ADAMTS19: variants seen among roughly 807,000 people sequenced by gnomAD.
The protein encoded by ADAMTS19 is ADAM metallopeptidase with thrombospondin type 1 motif 19.
In ADAMTS19, 93 loss-of-function variants were observed where a neutral mutation model predicts 153.3. The ratio of observed to expected loss-of-function variants is 0.61; its 90% CI spans 0.51 to 0.72. ADAMTS19 has a LOEUF of 0.72. ADAMTS19 is among the 30% of genes least tolerant of loss of function. The probability of loss-of-function intolerance (pLI) is 0.00; values close to 1 mark genes in which losing one functional copy is unlikely to be tolerated. For synonymous variants in ADAMTS19, 600 were observed against 556.6 expected, an observed-to-expected ratio of 1.08 and a Z score of -1.10; for missense variants, 1,482 against 1,552.1, an observed-to-expected ratio of 0.95 and a Z score of 0.76.
chr5:129,622,409 G>T (rs1751821277), intron 10 of ADAMTS19, 61 bp downstream of exon 10: 1 of 1,575,182 alleles, frequency 6.3e-7, no homozygotes, highest in African/African-American at 1.4e-5. Flanking sequence ...TGATTGGTAG[G>T]AGAAGGTAAC....
chr5:129,679,990 T>G, intron 17 of ADAMTS19, 69 bp downstream of exon 17: 23 of 1,382,806 alleles, frequency 1.7e-5, no homozygotes, highest in Non-Finnish European at 2.1e-5. Flanking sequence ...CCAGTGCACT[T>G]CCTCTAATAT....
intron 21 of ADAMTS19, among the ~76,000 whole-genome samples, chr5:129,711,262 T>C (rs552968121): frequency 9.8e-5 from 15 of 152,294 alleles, no homozygotes; most frequent in African/African-American, 3.4e-4. Flanking sequence ...CCACTGAAAC[T>C]AGAGAATAAA....
chr5:129,536,184 G>C (rs1046942842), intron 6 of ADAMTS19, among the ~76,000 whole-genome samples: 2 of 152,028 alleles, frequency 1.3e-5, no homozygotes, highest in African/African-American at 4.8e-5. Context: ...CTAATATCCA[G>C]AATCTACAAT....
At chr5:129,607,289 T>C (rs1191270282) in intron 8 of ADAMTS19, among the ~76,000 whole-genome samples, 8 of 152,244 alleles carry the variant, frequency 5.3e-5, no homozygotes, top group Non-Finnish European at 8.8e-5. Flanking sequence ...TTCTGAGATA[T>C]ACTGATTTAT....
Position 129,705,400 on chromosome 5 carries a change from C to CA in ADAMTS19, c.3312+1011dup, listed in dbSNP as rs1489824915. Among the ~76,000 whole-genome samples, 11 of 152,260 alleles carry CA rather than the reference C, an allele frequency of 7.2e-5. No homozygotes were observed. The South Asian group carries it at 2.3e-3, about 32-fold the overall frequency. The stretch of plus-strand genomic sequence containing the variant: ...CCACTTTCACAGTGTTGCCCCAAAG[C>CA]AATCCATGGCATTTGAAATATAAGC... On this transcript the variant is annotated intron_variant, in intron 21 of 22. Transcript: ENST00000274487.
chr5:129,551,559 AT>A (rs77602373), intron 6 of ADAMTS19, among the ~76,000 whole-genome samples: 37,337 of 151,334 alleles, frequency 0.25, 4,949 homozygotes, highest in African/African-American at 0.33. Flanking sequence ...CCAATACCAG[AT>A]TTTTTTGTAA....
chr5:129,547,403 G>A (rs2126811708), intron 6 of ADAMTS19, among the ~76,000 whole-genome samples: 1 of 150,788 alleles, frequency 6.6e-6, no homozygotes, highest in South Asian at 2.1e-4. Flanking sequence ...GTAAGTTAAA[G>A]TTTTGTGTTG....
At chr5:129,522,332 C>CATATAGATATATATAT (rs1751850416) in intron 3 of ADAMTS19, among the ~76,000 whole-genome samples, 1 of 58,626 alleles carries the variant, frequency 1.7e-5, no homozygotes, top group Non-Finnish European at 2.8e-5. Flanking sequence ...CACACACACA[C>CATATAGATATATATAT]ATATATATAT....
At chr5:129,674,531 T>C (rs1380677773) in intron 16 of ADAMTS19, among the ~76,000 whole-genome samples, 2 of 152,192 alleles carry the variant, frequency 1.3e-5, no homozygotes, top group African/African-American at 2.4e-5. Flanking sequence ...CAGTGTCTTC[T>C]TTACTTGCTT....
Position 129,737,357 on chromosome 5 carries a change from A to G in ADAMTS19, c.*139A>G. ...TAATTTATTTTTTTGCCTGCCAAAC[A>G]TCCAATGTGGTGCTTGTTTTGGTTA... On this transcript the variant is annotated 3_prime_UTR_variant, in exon 23 of 23. Coordinates refer to ENST00000274487, the MANE Select transcript of ADAMTS19 (RefSeq NM_133638.6). 1.1e-6 allele frequency: 1 copy of G among 911,392 alleles called. No individual in the cohort carries two copies. Among genetic ancestry groups the G allele is most frequent in the East Asian group, 3.2e-5 (1 of 31,194 alleles). The allele number at this position is 911,392 out of a possible 1,614,324, so 56.5% of individuals were successfully genotyped here.
chr5:129,536,602 C>T (rs1453468763), intron 6 of ADAMTS19, among the ~76,000 whole-genome samples: 2 of 152,156 alleles, frequency 1.3e-5, no homozygotes, highest in African/African-American at 2.4e-5. Context: ...GCTATAAAGA[C>T]ACATGCACAT....
At chr5:129,562,878 C>CA (rs1281200617) in intron 7 of ADAMTS19, among the ~76,000 whole-genome samples, 1 of 150,132 alleles carries the variant, frequency 6.7e-6, no homozygotes, top group Non-Finnish European at 1.5e-5. Context: ...AACATCCTAA[C>CA]TTTTTTTTTT....
At chr5:129,662,249 G>T (rs2127074870) in intron 15 of ADAMTS19, among the ~76,000 whole-genome samples, 1 of 152,260 alleles carries the variant, frequency 6.6e-6, no homozygotes, top group African/African-American at 2.4e-5. Context: ...TGGGATCTCT[G>T]GTTATAAAAT....
chr5:129,585,326 G>A (rs141911399), intron 7 of ADAMTS19, among the ~76,000 whole-genome samples: 2,820 of 151,826 alleles, frequency 0.019, 79 homozygotes, highest in African/African-American at 0.064. Flanking sequence ...GCTGCAGACC[G>A]GAGCTGTTCC....
intron 9 of ADAMTS19, among the ~76,000 whole-genome samples, chr5:129,621,550 G>T (rs1308852166): frequency 1.3e-5 from 2 of 152,142 alleles, no homozygotes; most frequent in Non-Finnish European, 2.9e-5. Flanking sequence ...CATGCTGTTT[G>T]TCATAACAGT....
chr5:129,657,352 A>G (rs1753590120), intron 14 of ADAMTS19, among the ~76,000 whole-genome samples: 1 of 152,134 alleles, frequency 6.6e-6, no homozygotes, highest in African/African-American at 2.4e-5. Context: ...TGTATTTAAT[A>G]TTTTAAAATT....
chr5:129,460,678 G>C, intron 1 of ADAMTS19, 196 bp downstream of exon 1: 1 of 628,818 alleles, frequency 1.6e-6, no homozygotes, highest in Non-Finnish European at 2.8e-6. Flanking sequence ...CGTTTTAACC[G>C]TATGTGGAAT....
chr5:129,581,318 G>A (rs1298002871), intron 7 of ADAMTS19, among the ~76,000 whole-genome samples: 2 of 151,790 alleles, frequency 1.3e-5, no homozygotes, highest in African/African-American at 4.9e-5. Flanking sequence ...CTTCTTCCTG[G>A]TTTAGTCTTG....
At chr5:129,515,573 T>A (rs889106724) in intron 3 of ADAMTS19, among the ~76,000 whole-genome samples, 5 of 152,002 alleles carry the variant, frequency 3.3e-5, no homozygotes, top group South Asian at 2.1e-4. Flanking sequence ...GTTATATTTT[T>A]AAATTTCTTT....
Sources: allele counts gnomAD v4.1 joint callset (sites outside exome capture counted in the v4.1 genomes callset), GRCh38; gene constraint gnomAD v4.1.1; transcripts MANE v1.5; gene names NCBI Gene and HGNC (gene_info 2026-07-23, HGNC 2026-07-21).